The following LPAR4 variants were observed in gnomAD, a reference collection of about 807,000 sequenced individuals.
LPAR4 encodes G-protein coupled receptor 23.
Under a neutral mutation model 9.2 loss-of-function variants are expected in LPAR4, and 14 were observed. The observed-to-expected ratio is 1.51, with a 90% CI of 1.00 to 2.37. LPAR4 has a LOEUF of 2.37. LPAR4 is among the 30% of genes most tolerant of loss of function. The pLI is 0.00. For missense variants in LPAR4, 251 were observed against 272.1 expected, an observed-to-expected ratio of 0.92 and a Z score of 0.55; for synonymous variants, 131 against 97.9, an observed-to-expected ratio of 1.34 and a Z score of -1.99.
rs1373657558 is a variant in LPAR4 at position 78,756,046 on chromosome X, A to G, written c.*64A>G. 1.1e-6 allele frequency: 1 copy of G among 901,395 alleles called. No individual in the cohort carries two copies. Among genetic ancestry groups the G allele is most frequent in the Non-Finnish European group, 1.6e-6 (1 of 641,461 alleles). 74.3% of individuals were successfully genotyped at this position (901,395 alleles called of 1,213,427 possible). Reference sequence around the variant, plus strand: ...TATAATTTTTCCTATGCTATAAACTAAAGATTTGAAGCTAATGATACTGAG... The same window carrying G: ...TATAATTTTTCCTATGCTATAAACTGAAGATTTGAAGCTAATGATACTGAG... On this transcript the variant is annotated 3_prime_UTR_variant, in exon 5 of 5. Transcript: ENST00000614823.
In LPAR4 at chrX:78,755,308, C is replaced by T. The variant is rs1350858114; in HGVS notation, c.439C>T (p.Arg147Cys). ...GGCCATTGTCTATCCTTTTCGATCT[C>T]GTACTATTAGGACTAGGAGGAATTC... ...FLAIVYPFRS[R>C]TIRTRRNSAI... The change falls in exon 5 of 5, where the codon CGT (arginine) becomes TGT (cysteine). Residue 147 changes from arginine to cysteine, a missense_variant. Arg to Cys is a radical substitution (Grantham distance 180). Transcript: ENST00000614823. The T allele has an allele frequency of 8.3e-6, 10 of 1,208,558 alleles. No individual in the cohort carries two copies. The highest frequency in any genetic ancestry group is 1.7e-5 in the African/African-American group (1 of 57,443).
At chrX:78,752,890 T>C (rs1401767124) in intron 4 of LPAR4, among the ~76,000 whole-genome samples, 1 of 111,715 alleles carries the variant, frequency 9.0e-6, no homozygotes, top group Non-Finnish European at 1.9e-5. Flanking sequence ...TCCAGGAGCC[T>C]TAAGGACCCC....
chrX:78,753,570 G>A (rs767334471), intron 4 of LPAR4, among the ~76,000 whole-genome samples: 53 of 111,887 alleles, frequency 4.7e-4, no homozygotes, highest in Non-Finnish European at 8.5e-4. Context: ...TACCAAAAAA[G>A]ACAGAAATAT....
In LPAR4 at chrX:78,749,416, G is replaced by A. The variant is rs544715136; in HGVS notation, c.-294-758G>A. On this transcript the variant is annotated intron_variant, in intron 1 of 4. Transcript: ENST00000614823. ...CTGGGAATCCACCTTTACTTTAAGC[G>A]GATAAATAATCAGTTATCAGAACAA... is the stretch of plus-strand genomic sequence containing the variant. 4.5e-4 allele frequency among the ~76,000 whole-genome samples: 50 copies of A among 111,601 alleles called. No individual in the cohort carries two copies. The South Asian group carries it at 0.019, about 42-fold the overall frequency.
intron 4 of LPAR4, among the ~76,000 whole-genome samples, chrX:78,754,046 A>G (rs1269015893): frequency 8.9e-6 from 1 of 111,844 alleles, no homozygotes; most frequent in African/African-American, 3.2e-5. Context: ...TGGGTGTAAT[A>G]TATATGTTCC....
chrX:78,755,570 C>T lies in LPAR4; in HGVS notation c.701C>T (p.Pro234Leu). Residue 234 changes from proline (P) to leucine (L), a missense_variant, in exon 5 of 5, where the codon CCT becomes CTT. Pro to Leu is a moderately conservative substitution (Grantham distance 98). Transcript: ENST00000614823. The stretch of plus-strand genomic sequence containing the variant: ...GTGGTGCTGAGAACTCTTCGCAAGC[C>T]TGCTACTCTGTCTCAAATTGGGACC... ...SSVVLRTLRK[P>L]ATLSQIGTNK... The T allele has an allele frequency of 4.1e-6, 5 of 1,209,962 alleles. No individual in the cohort carries two copies. The highest frequency in any genetic ancestry group is 5.6e-6 in the Non-Finnish European group (5 of 894,300).
chrX:78,750,343 C>A (rs1353395688), intron 2 of LPAR4, 120 bp downstream of exon 2: 1 of 111,135 alleles, frequency 9.0e-6, no homozygotes, highest in South Asian at 3.8e-4. Flanking sequence ...TTTTAGGCTA[C>A]CTCTGTTTAG....
At position 78,757,399 on chromosome X, in the gene LPAR4, C is replaced by T. The variant is rs985485528; in HGVS notation, c.*1417C>T. On this transcript the variant is annotated 3_prime_UTR_variant, in exon 5 of 5. Coordinates refer to ENST00000614823, the MANE Select transcript of LPAR4 (RefSeq NM_001278000.3). Reference sequence around the variant, plus strand: ...ATTTTCTGAGCATCTGCGAAACTTACAAAACACTATAACATTCATATAATG... The same window carrying T: ...ATTTTCTGAGCATCTGCGAAACTTATAAAACACTATAACATTCATATAATG... Among the ~76,000 whole-genome samples, 1 of 111,580 alleles carries T rather than the reference C, an allele frequency of 9.0e-6. No homozygotes were observed. Among genetic ancestry groups the T allele is most frequent in the Admixed American group, 9.5e-5 (1 of 10,472 alleles).
Position 78,755,611 on chromosome X carries a change from C to T in LPAR4, c.742C>T (p.Leu248=). ...AATTGGGACCAATAAGAAAAAAGTA[C>T]TGAAAATGATCACAGTACATATGGC... The part of the protein sequence containing the change: ...SQIGTNKKKV[L]KMITVHMAVF... Residue 248 remains leucine (L), a synonymous_variant, in exon 5 of 5, where the codon CTG becomes TTG. Transcript: ENST00000614823. 8.3e-7 allele frequency: 1 copy of T among 1,210,871 alleles called. No homozygotes were observed. Among genetic ancestry groups the T allele is most frequent in the South Asian group, 1.8e-5 (1 of 56,945 alleles).
chrX:78,755,066 T>G lies in LPAR4; in HGVS notation c.197T>G (p.Phe66Cys). 8.3e-7 allele frequency: 1 copy of G among 1,210,097 alleles called. No homozygotes were observed. The highest frequency in any genetic ancestry group is 2.2e-5 in the Admixed American group (1 of 45,985). The change falls in exon 5 of 5, where the codon TTC becomes TGC. Residue 66 changes from phenylalanine (F) to cysteine (C), a missense_variant. Transcript: ENST00000614823. The stretch of plus-strand genomic sequence containing the variant: ...AGTGTCTCTCTGTTTGTCTTCTGTT[T>G]CCGCATGAAAATGAGAAGTGAGACT... ...TNSVSLFVFC[F>C]RMKMRSETAI...
Position 78,756,665 on chromosome X carries a change from A to G in LPAR4, c.*683A>G, listed in dbSNP as rs1397478812. On this transcript the variant is annotated 3_prime_UTR_variant, in exon 5 of 5. Coordinates refer to ENST00000614823, the MANE Select transcript of LPAR4 (RefSeq NM_001278000.3). ...TTTTCATGTCAAACTTCAAAGCCAG[A>G]AAGCTGCTAAATACGTGTCTGGCAG... 8.1e-6 allele frequency: 1 copy of G among 123,121 alleles called. No homozygotes were observed. The highest frequency in any genetic ancestry group is 3.2e-5 in the African/African-American group (1 of 30,803). 10.1% of individuals were successfully genotyped at this position (123,121 alleles called of 1,213,427 possible). A position where few individuals can be genotyped will look rare whatever the true frequency, so the allele number is the denominator to read the frequency against.
chrX:78,748,395 T>C lies in LPAR4; in HGVS notation c.-295+361T>C, dbSNP rs139728859. The stretch of plus-strand genomic sequence containing the variant: ...TGCGCTAACGTGGCTTGTATTATGA[T>C]GAGGTTTCTTCTAGTAAAACTATAC... On this transcript the variant is annotated intron_variant, in intron 1 of 4. Coordinates refer to ENST00000614823, the MANE Select transcript of LPAR4 (RefSeq NM_001278000.3). 1.8e-3 allele frequency among the ~76,000 whole-genome samples: 197 copies of C among 112,299 alleles called. 1 individual carries two copies. The highest frequency in any genetic ancestry group is 6.1e-3 in the African/African-American group (188 of 30,968).
rs951372434 is a variant in LPAR4, at chrX:78,757,153, TA to T, written c.*1178del. On this transcript the variant is annotated 3_prime_UTR_variant, in exon 5 of 5. Coordinates refer to ENST00000614823, the MANE Select transcript of LPAR4 (RefSeq NM_001278000.3). ...CAGAGAACCCCAAGAAAAATAAAAA[TA>T]AAAAAACCTCAACAATAATTTGTAA... is the stretch of plus-strand genomic sequence containing the variant. 3.4e-5 allele frequency: 4 copies of T among 117,723 alleles called. No individual in the cohort carries two copies. Among genetic ancestry groups the T allele is most frequent in the Admixed American group, 9.9e-5 (1 of 10,111 alleles). 9.7% of individuals were successfully genotyped at this position (117,723 alleles called of 1,213,427 possible). A position where few individuals can be genotyped will look rare whatever the true frequency, so the allele number is the denominator to read the frequency against.
intron 4 of LPAR4, among the ~76,000 whole-genome samples, chrX:78,752,722 AGGG>A (rs1925122240): frequency 9.0e-6 from 1 of 111,521 alleles, no homozygotes; most frequent in Admixed American, 9.5e-5. Context: ...TGTCCTCTGT[AGGG>A]AGCAAAAGCA....
chrX:78,752,021 AT>A (rs1256074866), intron 4 of LPAR4, among the ~76,000 whole-genome samples: 1 of 110,887 alleles, frequency 9.0e-6, no homozygotes, highest in Non-Finnish European at 1.9e-5. Flanking sequence ...AGAAAAAAAA[AT>A]ATCAAGTTAA....
chrX:78,750,830 G>C (rs73227675), intron 3 of LPAR4, 38 bp downstream of exon 3: 1 of 110,485 alleles, frequency 9.1e-6, no homozygotes, highest in African/African-American at 3.3e-5. Flanking sequence ...CTTTGTTTTG[G>C]TATTTTTAAT....
rs747969278 is a variant in LPAR4, at chrX:78,754,884, A to T, written c.15A>T (p.Arg5Ser). 8.4e-7 allele frequency: 1 copy of T among 1,195,967 alleles called. No homozygotes were observed. Among genetic ancestry groups the T allele is most frequent in the Admixed American group, 2.2e-5 (1 of 44,445 alleles). Residue 5 changes from arginine (R) to serine (S), a missense_variant, in exon 5 of 5, where the codon AGA becomes AGT. By Grantham distance (110) the Arg-to-Ser change is moderately radical. Transcript: ENST00000614823. ...AAAAAAAGTCCATGGGTGACAGAAG[A>T]TTCATTGACTTCCAATTCCAAGATT... is the stretch of plus-strand genomic sequence containing the variant. The part of the protein sequence containing the change: MGDR[R>S]FIDFQFQDSN...
chrX:78,750,332 G>C (rs1008806873), intron 2 of LPAR4, 109 bp downstream of exon 2: 1 of 111,105 alleles, frequency 9.0e-6, no homozygotes, highest in African/African-American at 3.3e-5. Flanking sequence ...AGTTTGCTTT[G>C]TTTTAGGCTA....
rs1341480042 is a variant in LPAR4 at position 78,755,743 on chromosome X, A to G, written c.874A>G (p.Met292Val). The change falls in exon 5 of 5, where the codon ATG (methionine) becomes GTG (valine). Residue 292 changes from methionine to valine, a missense_variant. By Grantham distance (21) the Met-to-Val change is conservative. Coordinates refer to ENST00000614823, the MANE Select transcript of LPAR4 (RefSeq NM_001278000.3). ...CTTTTTGGAAAGATTTGCAAAGATC[A>G]TGTACCCAATCACCTTGTGCCTTGC... is the stretch of plus-strand genomic sequence containing the variant. Reference protein sequence around the residue: ...NCFLERFAKIMYPITLCLATL... With the variant: ...NCFLERFAKIVYPITLCLATL... The G allele has an allele frequency of 1.4e-5, 17 of 1,210,775 alleles. No homozygotes were observed. Among genetic ancestry groups the G allele is most frequent in the Middle Eastern group, 2.3e-4 (1 of 4,349 alleles).
Sources: gnomAD v4.1 joint callset for allele counts (sites outside exome capture counted in the v4.1 genomes callset) on GRCh38, gnomAD v4.1.1 for gene constraint, MANE v1.5 for transcripts, NCBI Gene and HGNC (gene_info 2026-07-23, HGNC 2026-07-21) for gene names.